The following FARS2 variants were observed in gnomAD, a reference collection of about 807,000 sequenced individuals.
FARS2 encodes the protein phenylalanyl-tRNA synthetase 2, mitochondrial, also known as phenylalanine--tRNA ligase, mitochondrial.
Under a neutral mutation model 46.4 loss-of-function variants are expected in FARS2, and 40 were observed. The ratio of observed to expected loss-of-function variants is 0.86; its 90% CI spans 0.67 to 1.12. The LOEUF is 1.12. Ranked by LOEUF, FARS2 falls within the 50% of genes most tolerant of loss-of-function variation. FARS2 has a pLI of 0.00. For synonymous variants in FARS2, 234 were observed against 214.9 expected, an observed-to-expected ratio of 1.09 and a Z score of -0.78; for missense variants, 513 against 567.9, an observed-to-expected ratio of 0.90 and a Z score of 0.98.
intron 6 of FARS2, among the ~76,000 whole-genome samples, chr6:5,728,925 G>A (rs1760446261): frequency 6.6e-6 from 1 of 152,178 alleles, no homozygotes; most frequent in South Asian, 2.1e-4. Context: ...GACTTTTGAA[G>A]GTGGTAGACG....
chr6:5,693,689 C>T (rs578077736), intron 6 of FARS2, among the ~76,000 whole-genome samples: 8 of 152,206 alleles, frequency 5.3e-5, no homozygotes, highest in East Asian at 3.9e-4. Context: ...TGGGAAGACT[C>T]GAAGACTGGG....
intron 1 of FARS2, among the ~76,000 whole-genome samples, chr6:5,341,643 G>A (rs751152118): frequency 1.1e-4 from 16 of 151,602 alleles, no homozygotes; most frequent in African/African-American, 3.1e-4. Context: ...CTCAGCCTCC[G>A]GAGTAGCTAG....
At chr6:5,258,466 A>G (rs1163473551), upstream of FARS2, among the ~76,000 whole-genome samples, 2 of 152,232 alleles carry the variant, frequency 1.3e-5, no homozygotes, top group African/African-American at 2.4e-5. Flanking sequence ...CATGAAGAAC[A>G]TAAGATAGCA....
At chr6:5,259,096 G>A (rs1451120182), upstream of FARS2, among the ~76,000 whole-genome samples, 1 of 152,034 alleles carries the variant, frequency 6.6e-6, no homozygotes, top group Non-Finnish European at 1.5e-5. Context: ...GTTAGTCTTC[G>A]AGGGCTCCAC....
At chr6:5,253,025 C>G in the FARS2 span, among the ~76,000 whole-genome samples, 1 of 152,172 alleles carries the variant, frequency 6.6e-6, no homozygotes, top group African/African-American at 2.4e-5. Context: ...CTTTCTATGG[C>G]CTTTCCTTTG....
intron 1 of FARS2, among the ~76,000 whole-genome samples, chr6:5,289,272 G>C (rs1043901050): frequency 3.3e-5 from 5 of 152,192 alleles, no homozygotes; most frequent in African/African-American, 1.2e-4. Context: ...TAATAGAATT[G>C]CTTGTTTATT....
chr6:5,661,046 A>G (rs1175546070), intron 6 of FARS2, among the ~76,000 whole-genome samples: 1 of 152,178 alleles, frequency 6.6e-6, no homozygotes, highest in Non-Finnish European at 1.5e-5. Flanking sequence ...GCGGGAGGCT[A>G]CAGCACAGCT....
At chr6:5,649,692 G>A (rs1777249710) in intron 6 of FARS2, among the ~76,000 whole-genome samples, 1 of 152,202 alleles carries the variant, frequency 6.6e-6, no homozygotes, top group Non-Finnish European at 1.5e-5. Flanking sequence ...TTAGAGAACT[G>A]AGTAACTTGT....
chr6:5,701,624 G>A (rs1758442147), intron 6 of FARS2, among the ~76,000 whole-genome samples: 1 of 152,198 alleles, frequency 6.6e-6, no homozygotes, highest in Non-Finnish European at 1.5e-5. Context: ...GACAGTGTTA[G>A]TGCTGGCAGG....
intron 2 of FARS2, among the ~76,000 whole-genome samples, chr6:5,374,274 A>G (rs1342323140): frequency 3.9e-5 from 6 of 152,072 alleles, no homozygotes; most frequent in Non-Finnish European, 8.8e-5. Flanking sequence ...GACTGAAGGA[A>G]AACACTGGGA....
intron 1 of FARS2, among the ~76,000 whole-genome samples, chr6:5,300,680 T>G (rs1768235126): frequency 6.6e-6 from 1 of 151,022 alleles, no homozygotes. Flanking sequence ...TCTTTCTTTC[T>G]TTTTTTTTGA....
rs549897556 is a variant in FARS2, at chr6:5,265,709, T to C, written c.-22+4049T>C. 1.2e-4 allele frequency among the ~76,000 whole-genome samples: 18 copies of C among 152,314 alleles called. No individual in the cohort carries two copies. The East Asian group carries it at 3.3e-3, about 28-fold the overall frequency. ...GAAGTTTATACTTTAAATGCATTTGTATATGATTAAAATAAGGTATTAGGT... is the reference window on the plus strand; with the variant it reads ...GAAGTTTATACTTTAAATGCATTTGCATATGATTAAAATAAGGTATTAGGT... On this transcript the variant is annotated intron_variant, in intron 1 of 6. Coordinates refer to ENST00000274680, the MANE Select transcript of FARS2 (RefSeq NM_006567.5).
At position 5,332,026 on chromosome 6, in the gene FARS2, G is replaced by A. The variant is rs1770832565; in HGVS notation, c.-21-36524G>A. On this transcript the variant is annotated intron_variant, in intron 1 of 6. Transcript: ENST00000274680. ...TTATTTCATTGAGTTTTCACAGAAAGTCAATGAAATAGATATTCCTGATCC... is the reference window on the plus strand; with the variant it reads ...TTATTTCATTGAGTTTTCACAGAAAATCAATGAAATAGATATTCCTGATCC... Among the ~76,000 whole-genome samples, 2 of 152,166 alleles carry A rather than the reference G, an allele frequency of 1.3e-5. 1 individual carries two copies. The highest frequency in any genetic ancestry group is 4.1e-4 in the South Asian group (2 of 4,830).
At chr6:5,417,775 C>T (rs1056000299) in intron 3 of FARS2, among the ~76,000 whole-genome samples, 1 of 152,092 alleles carries the variant, frequency 6.6e-6, no homozygotes, top group Non-Finnish European at 1.5e-5. Context: ...TTATATTTTT[C>T]GTGAAATCTG....
intron 4 of FARS2, among the ~76,000 whole-genome samples, chr6:5,458,269 G>A (rs1765024129): frequency 6.6e-6 from 1 of 152,338 alleles, no homozygotes; most frequent in Admixed American, 6.5e-5. Flanking sequence ...TGGCAGGAAA[G>A]GGGTTTGTGC....
chr6:5,576,369 G>A (rs1772962843), intron 5 of FARS2, among the ~76,000 whole-genome samples: 1 of 151,926 alleles, frequency 6.6e-6, no homozygotes, highest in South Asian at 2.1e-4. Context: ...GGCTAGACTG[G>A]CCTAGCCTCC....
intron 1 of FARS2, among the ~76,000 whole-genome samples, chr6:5,316,629 G>A (rs980734459): frequency 5.9e-5 from 9 of 152,138 alleles, no homozygotes. Context: ...TGTAATTGAC[G>A]AATTGCTGGG....
At chr6:5,549,808 G>T (rs182515414) in intron 5 of FARS2, among the ~76,000 whole-genome samples, 32 of 152,282 alleles carry the variant, frequency 2.1e-4, no homozygotes, top group African/African-American at 6.0e-4. Flanking sequence ...CAGTCTACCA[G>T]AGTCTTCCCT....
intron 3 of FARS2, among the ~76,000 whole-genome samples, chr6:5,421,585 A>T (rs932372879): frequency 1.3e-5 from 2 of 152,160 alleles, no homozygotes; most frequent in South Asian, 4.1e-4. Flanking sequence ...CTTTAACAGC[A>T]CCCAAGTCAC....
Sources: allele counts gnomAD v4.1 joint callset (sites outside exome capture counted in the v4.1 genomes callset), GRCh38; gene constraint gnomAD v4.1.1; transcripts MANE v1.5; gene names NCBI Gene and HGNC (gene_info 2026-07-23, HGNC 2026-07-21).